TAOK3: variants seen among roughly 807,000 people sequenced by gnomAD.
TAOK3 encodes the protein serine/threonine-protein kinase TAO3.
In TAOK3, 40 loss-of-function variants were observed where a neutral mutation model predicts 120.4. That is an observed-to-expected ratio of 0.33 (90% CI 0.26 to 0.43). The LOEUF is 0.43. Ranked by LOEUF, TAOK3 falls within the 20% of genes least tolerant of loss-of-function variation. TAOK3 has a pLI of 1.00. For missense variants in TAOK3, 821 were observed against 1,112.1 expected (o/e 0.74, Z 3.72); for synonymous variants, 355 against 387.5 (o/e 0.92, Z 0.99).
intron 1 of TAOK3, among the ~76,000 whole-genome samples, chr12:118,317,201 T>C (rs893558150): frequency 1.4e-5 from 2 of 144,132 alleles, no homozygotes; most frequent in Non-Finnish European, 3.0e-5. Flanking sequence ...AGGCAGAAGT[T>C]GCAGTGAGCC....
At chr12:118,179,812 T>C (rs1299916305) in intron 15 of TAOK3, among the ~76,000 whole-genome samples, 1 of 147,740 alleles carries the variant, frequency 6.8e-6, no homozygotes, top group African/African-American at 2.5e-5. Context: ...GCCCAGCTAA[T>C]TTTTTGTATT....
chr12:118,309,828 T>G (rs1252158781), intron 1 of TAOK3, among the ~76,000 whole-genome samples: 1 of 152,134 alleles, frequency 6.6e-6, no homozygotes. Context: ...ATGGTGGTTT[T>G]CTTTATCTTC....
intron 8 of TAOK3, among the ~76,000 whole-genome samples, chr12:118,234,551 T>G (rs1010591650): frequency 5.9e-5 from 9 of 151,994 alleles, no homozygotes; most frequent in African/African-American, 2.2e-4. Flanking sequence ...GAGTCTTTTT[T>G]TGTTGTTGTT....
chr12:118,233,218 C>T (rs538493313), intron 9 of TAOK3, among the ~76,000 whole-genome samples: 181 of 125,208 alleles, frequency 1.4e-3, no homozygotes, highest in Middle Eastern at 6.0e-3. Context: ...CACATGGACA[C>T]AGGAAGGGGA....
chr12:118,313,556 C>T (rs914660495), intron 1 of TAOK3, among the ~76,000 whole-genome samples: 51 of 152,302 alleles, frequency 3.3e-4, no homozygotes, highest in African/African-American at 9.9e-4. Flanking sequence ...AGATTACAGG[C>T]GTAGCCACCG....
chr12:118,253,662 G>A (rs1312264478), intron 3 of TAOK3, among the ~76,000 whole-genome samples: 3 of 151,886 alleles, frequency 2.0e-5, no homozygotes, highest in African/African-American at 4.8e-5. Context: ...GCTTGAACCC[G>A]GGAGGTGGAG....
At chr12:118,356,385 C>T (rs1046454874) in intron 1 of TAOK3, among the ~76,000 whole-genome samples, 20 of 151,052 alleles carry the variant, frequency 1.3e-4, no homozygotes, top group African/African-American at 2.7e-4. Context: ...CCGCAACCTC[C>T]GCCTCCCAGG....
chr12:118,331,969 C>T (rs965549127), intron 1 of TAOK3, among the ~76,000 whole-genome samples: 7 of 151,892 alleles, frequency 4.6e-5, no homozygotes, highest in African/African-American at 1.7e-4. Context: ...TGGGATTACA[C>T]GTGTGCATCA....
rs57739118 is a variant in TAOK3, at chr12:118,240,178, CTTTTTTT to C, written c.295-913_295-907del. Among the ~76,000 whole-genome samples the C allele has an allele frequency of 7.0e-3, 939 of 134,288 alleles. 13 individuals are homozygous for C. The highest frequency in any genetic ancestry group is 0.024 in the African/African-American group (888 of 36,650). The allele number at this position is 134,288 out of a possible 152,430, so 88.1% of individuals were successfully genotyped here. A position where few individuals can be genotyped will look rare whatever the true frequency, so the allele number is the denominator to read the frequency against. On this transcript the variant is annotated intron_variant, in intron 5 of 20. Coordinates refer to ENST00000392533, the MANE Select transcript of TAOK3 (RefSeq NM_016281.4). ...AAAGTGAGAAACCTCTTTCTTTACTCTTTTTTTTTTTTTTTTTTTGAGACGGAGTTCA... is the reference window on the plus strand; with the variant it reads ...AAAGTGAGAAACCTCTTTCTTTACTCTTTTTTTTTTTTGAGACGGAGTTCA...
At chr12:118,247,696 G>C (rs545217094) in intron 3 of TAOK3, among the ~76,000 whole-genome samples, 69 of 152,114 alleles carry the variant, frequency 4.5e-4, no homozygotes, top group Non-Finnish European at 7.9e-4. Flanking sequence ...TATATATGTA[G>C]TAGAGACAGG....
At position 118,211,791 on chromosome 12, in the gene TAOK3, TC is replaced by T. The variant is rs201290565; in HGVS notation, c.819+1122del. ...CCACCATACCCAGCTCCACATTTTT[TC>T]CCCTTTTATGGTAGTAATTTTTATG... is the stretch of plus-strand genomic sequence containing the variant. On this transcript the variant is annotated intron_variant, in intron 11 of 20. Transcript: ENST00000392533. 7.1e-3 allele frequency among the ~76,000 whole-genome samples: 1,081 copies of T among 152,276 alleles called. 7 individuals carry two copies. Among genetic ancestry groups the T allele is most frequent in the Middle Eastern group, 0.017 (5 of 294 alleles).
intron 3 of TAOK3, among the ~76,000 whole-genome samples, chr12:118,252,083 G>A (rs997190214): frequency 1.3e-5 from 2 of 152,084 alleles, no homozygotes; most frequent in South Asian, 2.1e-4. Context: ...GGCCTCCCAA[G>A]TGCTGGGACT....
chr12:118,313,638 A>G (rs1251263211), intron 1 of TAOK3, among the ~76,000 whole-genome samples: 1 of 152,184 alleles, frequency 6.6e-6, no homozygotes, highest in Admixed American at 6.5e-5. Context: ...AAAGGGTTTT[A>G]TTTTGTCAAA....
chr12:118,238,087 A>C lies in TAOK3; in HGVS notation c.423T>G (p.His141Gln), dbSNP rs1380422529. 2 of 1,602,788 alleles carry C rather than the reference A, an allele frequency of 1.2e-6. No individual in the cohort carries two copies. The highest frequency in any genetic ancestry group is 2.7e-5 in the African/African-American group (2 of 74,652). The stretch of plus-strand genomic sequence containing the variant: ...TCTAATCTTACCTATGAATCAATGC[A>C]TGAGAATGTAGGTAGGCTAGTCCAT... ...ALHGLAYLHS[H>Q]ALIHRDIKAG... The change falls in exon 7 of 21, where the codon CAT becomes CAG. Residue 141 changes from histidine (H) to glutamine (Q), a missense_variant. By Grantham distance (24) the His-to-Gln change is conservative (BLOSUM62 0). Transcript: ENST00000392533.
intron 5 of TAOK3, among the ~76,000 whole-genome samples, chr12:118,241,927 A>G (rs1274939576): frequency 6.6e-6 from 1 of 152,048 alleles, no homozygotes; most frequent in East Asian, 1.9e-4. Context: ...CCTGACCAAC[A>G]TGGAGAAACC....
At chr12:118,214,149 G>A (rs1205202877) in intron 9 of TAOK3, 39 bp from the exon 10 acceptor site, 2 of 1,508,252 alleles carry the variant, frequency 1.3e-6, no homozygotes, top group African/African-American at 1.4e-5. Context: ...AGTTCTTGAA[G>A]GAAACCAGGC....
intron 1 of TAOK3, among the ~76,000 whole-genome samples, chr12:118,350,214 T>C (rs1306087969): frequency 6.6e-6 from 1 of 152,190 alleles, no homozygotes; most frequent in African/African-American, 2.4e-5. Context: ...ACTTATCCTG[T>C]AGGCACTAAT....
intron 16 of TAOK3, among the ~76,000 whole-genome samples, chr12:118,176,503 TTGAC>T (rs1276866608): frequency 6.6e-6 from 1 of 152,110 alleles, no homozygotes; most frequent in Non-Finnish European, 1.5e-5. Flanking sequence ...AAAGATCACT[TTGAC>T]TGATGTGGAA....
At chr12:118,297,720 T>C (rs975302769) in intron 1 of TAOK3, among the ~76,000 whole-genome samples, 11 of 152,194 alleles carry the variant, frequency 7.2e-5, no homozygotes, top group Non-Finnish European at 1.0e-4. Flanking sequence ...AAAGGAGATA[T>C]CCAAATTATG....
Sources: allele counts gnomAD v4.1 joint callset (sites outside exome capture counted in the v4.1 genomes callset), GRCh38; gene constraint gnomAD v4.1.1; transcripts MANE v1.5; gene names NCBI Gene and HGNC (gene_info 2026-07-23, HGNC 2026-07-21).